The following RUNDC3B variants were observed in gnomAD, a reference collection of about 807,000 sequenced individuals.
The protein encoded by RUNDC3B is RUN domain containing 3B, also known as RUN domain-containing protein 3B.
RUNDC3B carries 33 observed loss-of-function variants against 58.4 expected under a neutral mutation model. The ratio of observed to expected loss-of-function variants is 0.56; its 90% CI spans 0.43 to 0.75. RUNDC3B has a LOEUF of 0.75. Among genes scored for constraint, RUNDC3B ranks in the 30% least tolerant of loss-of-function variants. The pLI, the probability that RUNDC3B is intolerant of heterozygous loss-of-function variation, is 0.00. For missense variants in RUNDC3B, 501 were observed against 535.7 expected (o/e 0.94, Z 0.64); for synonymous variants, 193 against 195.2 (o/e 0.99, Z 0.10).
intron 3 of RUNDC3B, among the ~76,000 whole-genome samples, chr7:87,703,022 A>G (rs1202212816): frequency 6.6e-6 from 1 of 152,154 alleles, no homozygotes; most frequent in Non-Finnish European, 1.5e-5. Flanking sequence ...TTTTTATTGA[A>G]TTGTCAGAGT....
intron 6 of RUNDC3B, among the ~76,000 whole-genome samples, chr7:87,756,884 C>G (rs1057079220): frequency 3.3e-5 from 5 of 151,706 alleles, no homozygotes; most frequent in African/African-American, 1.2e-4. Flanking sequence ...TAGATAATAC[C>G]CTCTCCCTCC....
intron 10 of RUNDC3B, among the ~76,000 whole-genome samples, chr7:87,822,173 A>G (rs1355647844): frequency 1.3e-5 from 2 of 152,238 alleles, no homozygotes; most frequent in Non-Finnish European, 2.9e-5. Flanking sequence ...AGAATCTACA[A>G]TGAACTCAAA....
intron 2 of RUNDC3B, among the ~76,000 whole-genome samples, chr7:87,694,506 A>T (rs549002417): frequency 5.3e-5 from 8 of 152,348 alleles, no homozygotes; most frequent in African/African-American, 1.7e-4. Flanking sequence ...TTATTTTTAA[A>T]TAGTAGAACG....
chr7:87,641,072 C>G (rs1415570789), intron 1 of RUNDC3B, among the ~76,000 whole-genome samples: 1 of 151,972 alleles, frequency 6.6e-6, no homozygotes, highest in Non-Finnish European at 1.5e-5. Flanking sequence ...TATGTTCTAT[C>G]TTTTGTCACA....
At chr7:87,811,030 C>T (rs1836686912) in intron 9 of RUNDC3B, among the ~76,000 whole-genome samples, 1 of 151,960 alleles carries the variant, frequency 6.6e-6, no homozygotes, top group African/African-American at 2.4e-5. Flanking sequence ...TAATTATTTA[C>T]TTATTTGTTT....
At chr7:87,803,169 C>T (rs1278379392) in intron 8 of RUNDC3B, among the ~76,000 whole-genome samples, 1 of 152,112 alleles carries the variant, frequency 6.6e-6, no homozygotes, top group Admixed American at 6.5e-5. Flanking sequence ...TATTTATTGA[C>T]TTTTTCTGTC....
intron 4 of RUNDC3B, among the ~76,000 whole-genome samples, chr7:87,728,782 C>T (rs1831398178): frequency 6.6e-6 from 1 of 152,162 alleles, no homozygotes; most frequent in Admixed American, 6.5e-5. Context: ...ATGCTACCTA[C>T]TACATCTTTT....
chr7:87,649,576 C>A (rs1823365072), intron 1 of RUNDC3B, among the ~76,000 whole-genome samples: 2 of 152,152 alleles, frequency 1.3e-5, no homozygotes, highest in Admixed American at 1.3e-4. Context: ...TTGGAAAATA[C>A]ATTGATTTTT....
rs1346510640 is a variant in RUNDC3B, at chr7:87,807,291, G to C, written c.957-82G>C. 6.1e-6 allele frequency: 8 copies of C among 1,306,812 alleles called. No individual in the cohort carries two copies. In the East Asian group the frequency reaches 1.9e-4, roughly 31 times the overall value. 81.0% of individuals were successfully genotyped at this position (1,306,812 alleles called of 1,614,324 possible). On this transcript the variant is annotated intron_variant, in intron 8 of 10. Coordinates refer to ENST00000394654, the MANE Select transcript of RUNDC3B (RefSeq NM_001134405.2). ...AACCAATTTTATAAGATAAATTTTG[G>C]GGGCCTAAATTGATACCATTAGGTT... is the stretch of plus-strand genomic sequence containing the variant.
chr7:87,732,526 C>A (rs779621843), intron 4 of RUNDC3B, among the ~76,000 whole-genome samples: 3 of 152,084 alleles, frequency 2.0e-5, no homozygotes, highest in Non-Finnish European at 4.4e-5. Flanking sequence ...ACATTGGGCA[C>A]CAGATATTGC....
intron 4 of RUNDC3B, among the ~76,000 whole-genome samples, chr7:87,727,799 T>C (rs961167626): frequency 6.6e-6 from 1 of 152,172 alleles, no homozygotes; most frequent in Non-Finnish European, 1.5e-5. Context: ...GTATGACACA[T>C]GAGCTCTTAC....
At chr7:87,629,709 C>T (rs2130174486) in intron 1 of RUNDC3B, among the ~76,000 whole-genome samples, 1 of 151,840 alleles carries the variant, frequency 6.6e-6, no homozygotes, top group African/African-American at 2.4e-5. Flanking sequence ...GGGCGGATCA[C>T]GAGGTCGGAG....
intron 6 of RUNDC3B, among the ~76,000 whole-genome samples, chr7:87,748,233 C>A (rs1832761104): frequency 6.6e-6 from 1 of 152,150 alleles, no homozygotes; most frequent in Non-Finnish European, 1.5e-5. Context: ...AAACTTCTCC[C>A]ACAAACAGAC....
At chr7:87,687,750 A>G (rs780671448) in intron 2 of RUNDC3B, among the ~76,000 whole-genome samples, 9 of 152,258 alleles carry the variant, frequency 5.9e-5, no homozygotes, top group East Asian at 3.9e-4. Flanking sequence ...CTCTAATCCA[A>G]TTGAACTGTT....
chr7:87,628,814 TA>T lies in RUNDC3B; in HGVS notation c.-8del. On this transcript the variant is annotated 5_prime_UTR_variant, in exon 1 of 11. Coordinates refer to ENST00000394654, the MANE Select transcript of RUNDC3B (RefSeq NM_001134405.2). ...GCACGAGACAAAAGGGGCACGGGGG[TA>T]AGCCCGCCATGGCCTCCCGGAGCCT... 1.6e-6 allele frequency: 2 copies of T among 1,237,604 alleles called. No homozygotes were observed. The highest frequency in any genetic ancestry group is 2.0e-6 in the Non-Finnish European group (2 of 979,028). 76.7% of individuals were successfully genotyped at this position (1,237,604 alleles called of 1,614,324 possible). A position where few individuals can be genotyped will look rare whatever the true frequency, so the allele number is the denominator to read the frequency against.
At chr7:87,770,324 A>T (rs1436972068) in intron 6 of RUNDC3B, among the ~76,000 whole-genome samples, 1 of 151,936 alleles carries the variant, frequency 6.6e-6, no homozygotes, top group Non-Finnish European at 1.5e-5. Flanking sequence ...CTTGGTTTAT[A>T]TCTTAATACC....
chr7:87,797,895 A>G (rs1835900194), intron 8 of RUNDC3B, among the ~76,000 whole-genome samples: 1 of 152,224 alleles, frequency 6.6e-6, no homozygotes, highest in Middle Eastern at 3.2e-3. Flanking sequence ...GATGATGTCA[A>G]TGTAGCAAGG....
intron 4 of RUNDC3B, among the ~76,000 whole-genome samples, chr7:87,724,600 A>C (rs971665341): frequency 2.6e-5 from 4 of 151,884 alleles, no homozygotes; most frequent in Admixed American, 6.6e-5. Context: ...TGTAATAGAA[A>C]ATAATAATAA....
chr7:87,644,532 G>A (rs1461310726), intron 1 of RUNDC3B, among the ~76,000 whole-genome samples: 2 of 152,116 alleles, frequency 1.3e-5, no homozygotes, highest in Non-Finnish European at 2.9e-5. Context: ...TAACCTTTGT[G>A]AGCCCTTTTA....
Sources: gnomAD v4.1 joint callset for allele counts (sites outside exome capture counted in the v4.1 genomes callset) on GRCh38, gnomAD v4.1.1 for gene constraint, MANE v1.5 for transcripts, NCBI Gene and HGNC (gene_info 2026-07-23, HGNC 2026-07-21) for gene names.